Variants in PDE1C observed in about 807,000 individuals in gnomAD.
The protein encoded by PDE1C is dual specificity calcium/calmodulin-dependent 3',5'-cyclic nucleotide phosphodiesterase 1C.
PDE1C carries 62 observed loss-of-function variants against 93.1 expected under a neutral mutation model. The ratio of observed to expected loss-of-function variants is 0.67; its 90% CI spans 0.54 to 0.82. The LOEUF is 0.82. PDE1C is among the 40% of genes least tolerant of loss of function. The pLI, the probability that PDE1C is intolerant of heterozygous loss-of-function variation, is 0.00. For synonymous variants in PDE1C, 325 were observed against 310.1 expected (o/e 1.05, Z -0.50); for missense variants, 742 against 884.6 (o/e 0.84, Z 2.04).
the PDE1C span, among the ~76,000 whole-genome samples, chr7:31,741,450 C>T: frequency 3.3e-5 from 5 of 152,162 alleles, no homozygotes; most frequent in Admixed American, 6.5e-5. Flanking sequence ...TCAATTTTCT[C>T]ATTCCTTTCC....
chr7:32,113,347 C>A (rs1384609698), intron 3 of PDE1C, among the ~76,000 whole-genome samples: 1 of 143,190 alleles, frequency 7.0e-6, no homozygotes, highest in Non-Finnish European at 1.5e-5. Context: ...ATCTCAATTT[C>A]TGGGCTCTTT....
chr7:32,065,079 A>C (rs1584671579), intron 1 of PDE1C, among the ~76,000 whole-genome samples: 4 of 115,728 alleles, frequency 3.5e-5, no homozygotes, highest in Non-Finnish European at 3.7e-5. Flanking sequence ...GCCGGGGGCC[A>C]GTGAGGGGGA....
intron 1 of PDE1C, among the ~76,000 whole-genome samples, chr7:32,408,220 C>T (rs1785095920): frequency 6.6e-6 from 1 of 152,142 alleles, no homozygotes; most frequent in African/African-American, 2.4e-5. Flanking sequence ...TGTACTGTGA[C>T]CTACCTGCTC....
At chr7:31,661,679 C>T in the PDE1C span, among the ~76,000 whole-genome samples, 1 of 152,204 alleles carries the variant, frequency 6.6e-6, no homozygotes, top group East Asian at 1.9e-4. Context: ...CACCATTGCA[C>T]TCTAGCCTGG....
intron 2 of PDE1C, among the ~76,000 whole-genome samples, chr7:32,176,390 G>A (rs929333261): frequency 6.6e-6 from 1 of 152,116 alleles, no homozygotes; most frequent in African/African-American, 2.4e-5. Flanking sequence ...AAAGAAGACA[G>A]GACCAGAAAC....
chr7:31,780,668 T>C (rs1783335324), intron 16 of PDE1C, among the ~76,000 whole-genome samples: 1 of 152,216 alleles, frequency 6.6e-6, no homozygotes, highest in Non-Finnish European at 1.5e-5. Context: ...GTCAGGACAA[T>C]AATTGCGAGC....
chr7:31,973,937 C>CAT, intron 2 of PDE1C, among the ~76,000 whole-genome samples: 1 of 152,056 alleles, frequency 6.6e-6, no homozygotes, highest in African/African-American at 2.4e-5. Flanking sequence ...GATTTAGTTC[C>CAT]AGATGTTTTT....
chr7:31,652,048 C>G, the PDE1C span: 3 of 1,589,922 alleles, frequency 1.9e-6, no homozygotes, highest in Non-Finnish European at 2.6e-6. Flanking sequence ...AGGGATTTTA[C>G]TGGTATGGGT....
rs370700902 is a variant in PDE1C at position 31,836,237 on chromosome 7, T to C, written c.1203+943A>G. 2.6e-5 allele frequency among the ~76,000 whole-genome samples: 4 copies of C among 152,234 alleles called. No homozygotes were observed. In the East Asian group the frequency reaches 5.8e-4, roughly 22 times the overall value. The stretch of plus-strand genomic sequence containing the variant: ...CACATGTGCCTGAGTTGGAAAGACT[T>C]CGGTCTTGGTGCTATGCATTTATTT... On this transcript the variant is annotated intron_variant, in intron 11 of 17. Coordinates refer to ENST00000396191, the MANE Select transcript of PDE1C (RefSeq NM_001191057.4).
At chr7:32,370,434 G>A (rs1406369334) in intron 1 of PDE1C, among the ~76,000 whole-genome samples, 1 of 126,878 alleles carries the variant, frequency 7.9e-6, no homozygotes, top group Non-Finnish European at 1.6e-5. Flanking sequence ...GGGCGACAGA[G>A]TGAGACTCCT....
At chr7:31,640,196 C>T in the PDE1C span, among the ~76,000 whole-genome samples, 7 of 152,218 alleles carry the variant, frequency 4.6e-5, no homozygotes, top group African/African-American at 1.7e-4. Flanking sequence ...AGTATTCTAC[C>T]CCTCAATGTC....
At chr7:31,802,842 C>T (rs2128694876) in intron 16 of PDE1C, among the ~76,000 whole-genome samples, 1 of 151,742 alleles carries the variant, frequency 6.6e-6, no homozygotes, top group Middle Eastern at 3.4e-3. Flanking sequence ...AAATTTTTCT[C>T]TTCATCACTG....
At chr7:32,147,707 C>T (rs112624853) in intron 3 of PDE1C, among the ~76,000 whole-genome samples, 12 of 152,068 alleles carry the variant, frequency 7.9e-5, no homozygotes, top group African/African-American at 2.2e-4. Flanking sequence ...TCCCACCCCC[C>T]CTCCAAGCAT....
chr7:32,144,047 G>A (rs1800683354), intron 3 of PDE1C, among the ~76,000 whole-genome samples: 1 of 152,078 alleles, frequency 6.6e-6, no homozygotes, highest in African/African-American at 2.4e-5. Context: ...GCAATGAGCA[G>A]AAACACACAA....
the PDE1C span, among the ~76,000 whole-genome samples, chr7:31,623,626 T>C: frequency 7.8e-6 from 1 of 128,606 alleles, no homozygotes; most frequent in African/African-American, 2.8e-5. Context: ...GAGCTATCTA[T>C]GACAAACCCA....
chr7:31,680,690 C>T, the PDE1C span, among the ~76,000 whole-genome samples: 250 of 143,258 alleles, frequency 1.7e-3, no homozygotes, highest in African/African-American at 6.4e-3. Context: ...GACTATGGCC[C>T]CTTTGGTCAC....
intron 2 of PDE1C, among the ~76,000 whole-genome samples, chr7:31,927,223 C>G (rs80171111): frequency 0.017 from 2,602 of 152,242 alleles, 37 homozygotes; most frequent in Non-Finnish European, 0.027. Context: ...TGGCAAAGGT[C>G]CTGGGGCTGG....
the PDE1C span, among the ~76,000 whole-genome samples, chr7:31,730,092 C>G: frequency 6.6e-6 from 1 of 152,148 alleles, no homozygotes; most frequent in Non-Finnish European, 1.5e-5. Context: ...TAAGTGAGAT[C>G]ATGCATTTAA....
At chr7:32,060,753 T>C (rs1183202663) in intron 1 of PDE1C, among the ~76,000 whole-genome samples, 1 of 152,204 alleles carries the variant, frequency 6.6e-6, no homozygotes, top group African/African-American at 2.4e-5. Context: ...TCAGTGATTT[T>C]ATAGTCAGAA....
Sources: allele counts gnomAD v4.1 joint callset (sites outside exome capture counted in the v4.1 genomes callset), GRCh38; gene constraint gnomAD v4.1.1; transcripts MANE v1.5; gene names NCBI Gene and HGNC (gene_info 2026-07-23, HGNC 2026-07-21).